ARSJ: variants seen among roughly 807,000 people sequenced by gnomAD.
ARSJ encodes the protein arylsulfatase family member J, also known as arylsulfatase J.
ARSJ carries 26 observed loss-of-function variants against 35.9 expected under a neutral mutation model. The ratio of observed to expected loss-of-function variants is 0.72; its 90% CI spans 0.53 to 1.00. The LOEUF is 1.00. Among genes scored for constraint, ARSJ ranks in the 50% least tolerant of loss-of-function variants. ARSJ has a pLI of 0.00. For missense variants in ARSJ, 667 were observed against 723.6 expected (o/e 0.92, Z 0.90); for synonymous variants, 294 against 267.6 (o/e 1.10, Z -0.96).
intron 1 of ARSJ, among the ~76,000 whole-genome samples, chr4:113,941,460 C>T (rs1725156320): frequency 6.6e-6 from 1 of 151,928 alleles, no homozygotes; most frequent in Non-Finnish European, 1.5e-5. Context: ...CATATAGGTC[C>T]TCAAACAACT....
In ARSJ at chr4:113,903,032, AT is replaced by A. The variant is rs1562328348; in HGVS notation, c.1041del (p.Tyr348IlefsTer9). 1 of 1,613,956 alleles carries A rather than the reference AT, an allele frequency of 6.2e-7. No individual in the cohort carries two copies. Among genetic ancestry groups the A allele is most frequent in the Non-Finnish European group, 8.5e-7 (1 of 1,179,954 alleles). ...SNWPLRGSKG[T>X]YWEGGIRAVG... ...ACAGCCCGGATCCCTCCTTCCCAAT[AT>A]GTTCCTTTGCTACCTCTGAGAGGCC... On this transcript the variant is annotated frameshift_variant, in exon 2 of 2. Coordinates refer to ENST00000315366, the MANE Select transcript of ARSJ (RefSeq NM_024590.4). LOFTEE classifies it high-confidence loss of function.
rs70961865 is a variant in ARSJ at position 113,979,104 on chromosome 4, G to GAA, written c.-272_-271dup. On this transcript the variant is annotated 5_prime_UTR_variant, in exon 1 of 2. Transcript: ENST00000315366. ...CCTCCCTAGAGCAGCTTCCACCAAGGAAAAAAAAAAGAAAAAAGTTAATAT... is the reference window on the plus strand; with the variant it reads ...CCTCCCTAGAGCAGCTTCCACCAAGGAAAAAAAAAAAAGAAAAAAGTTAATAT... 2,036 of 283,616 alleles carry GAA rather than the reference G, an allele frequency of 7.2e-3. No individual in the cohort carries two copies. The highest frequency in any genetic ancestry group is 0.01 in the Non-Finnish European group (1,546 of 150,392). The allele number at this position is 283,616 out of a possible 1,614,324, so 17.6% of individuals were successfully genotyped here. A position where few individuals can be genotyped will look rare whatever the true frequency, so the allele number is the denominator to read the frequency against.
At chr4:113,919,809 A>G (rs1723550515) in intron 1 of ARSJ, among the ~76,000 whole-genome samples, 1 of 152,222 alleles carries the variant, frequency 6.6e-6, no homozygotes, top group South Asian at 2.1e-4. Context: ...ATGACTCAGC[A>G]TGACAAGGAG....
At chr4:113,933,258 T>C (rs1724567178) in intron 1 of ARSJ, among the ~76,000 whole-genome samples, 1 of 151,864 alleles carries the variant, frequency 6.6e-6, no homozygotes, top group South Asian at 2.1e-4. Flanking sequence ...CACTGGTGAA[T>C]TTTATCAAAC....
intron 1 of ARSJ, among the ~76,000 whole-genome samples, chr4:113,951,296 T>C (rs1725850197): frequency 6.6e-6 from 1 of 152,138 alleles, no homozygotes; most frequent in Non-Finnish European, 1.5e-5. Context: ...TCTTCAAATA[T>C]GTGAAGACAG....
intron 1 of ARSJ, 85 bp from the exon 2 acceptor site, chr4:113,903,760 T>G (rs1327619880): frequency 6.8e-7 from 1 of 1,461,574 alleles, no homozygotes; most frequent in African/African-American, 1.4e-5. Flanking sequence ...TTAAAAAATG[T>G]TTCTATGGGC....
chr4:113,944,766 A>C (rs1354285142), intron 1 of ARSJ, among the ~76,000 whole-genome samples: 1 of 152,096 alleles, frequency 6.6e-6, no homozygotes, highest in Non-Finnish European at 1.5e-5. Context: ...AATTTTATTC[A>C]GTAGAGGTAC....
intron 1 of ARSJ, among the ~76,000 whole-genome samples, chr4:113,923,481 T>C (rs1176791309): frequency 6.6e-6 from 1 of 152,156 alleles, no homozygotes; most frequent in African/African-American, 2.4e-5. Context: ...AAAAAACTTT[T>C]ATTTCACACT....
At position 113,907,480 on chromosome 4, in the gene ARSJ, G is replaced by A. The variant is rs1181188946; in HGVS notation, c.399-3805C>T. 2.0e-5 allele frequency among the ~76,000 whole-genome samples: 3 copies of A among 151,856 alleles called. No homozygotes were observed. The East Asian group carries it at 5.8e-4, about 29-fold the overall frequency. Reference sequence around the variant, plus strand: ...ACTGTATGTTAGCACTTTAGTTGGGGGTAAGAATGATAATCTTACACTTTA... The same window carrying A: ...ACTGTATGTTAGCACTTTAGTTGGGAGTAAGAATGATAATCTTACACTTTA... On this transcript the variant is annotated intron_variant, in intron 1 of 1. Transcript: ENST00000315366.
rs377682090 is a variant in ARSJ, at chr4:113,921,712, G to A, written c.399-18037C>T. ...ATAGCCTAGCTTCTCTTCTTAGTCAGAATGCTACTGCACTTTGAGGCCAGC... is the reference window on the plus strand; with the variant it reads ...ATAGCCTAGCTTCTCTTCTTAGTCAAAATGCTACTGCACTTTGAGGCCAGC... On this transcript the variant is annotated intron_variant, in intron 1 of 1. Transcript: ENST00000315366. 1.4e-4 allele frequency among the ~76,000 whole-genome samples: 21 copies of A among 152,278 alleles called. 1 individual carries two copies. The highest frequency in any genetic ancestry group is 3.8e-4 in the African/African-American group (16 of 41,572).
chr4:113,949,509 C>T (rs960217871), intron 1 of ARSJ, among the ~76,000 whole-genome samples: 13 of 152,116 alleles, frequency 8.5e-5, no homozygotes, highest in African/African-American at 2.6e-4. Flanking sequence ...AGGTGGTGGA[C>T]GCTGGACCTT....
chr4:113,932,282 C>G (rs1360784019), intron 1 of ARSJ, among the ~76,000 whole-genome samples: 1 of 151,928 alleles, frequency 6.6e-6, no homozygotes, highest in Admixed American at 6.6e-5. Flanking sequence ...AACTTCAACA[C>G]CCCACTCTCA....
intron 1 of ARSJ, among the ~76,000 whole-genome samples, chr4:113,970,024 T>G (rs1321237387): frequency 6.6e-6 from 1 of 152,226 alleles, no homozygotes; most frequent in African/African-American, 2.4e-5. Flanking sequence ...AAATCATTTC[T>G]GGCTAAGGAA....
At chr4:113,946,166 C>T (rs1341468589) in intron 1 of ARSJ, 1 of 152,154 alleles carries the variant, frequency 6.6e-6, no homozygotes, top group East Asian at 1.9e-4. Flanking sequence ...ATCCCTTCAT[C>T]CTTTTCTAGT....
intron 1 of ARSJ, among the ~76,000 whole-genome samples, chr4:113,922,595 A>G (rs370541832): frequency 6.6e-6 from 1 of 152,160 alleles, no homozygotes; most frequent in African/African-American, 2.4e-5. Context: ...AGCTGTCTTC[A>G]TGCTTTTACT....
At chr4:113,978,370 G>T in intron 1 of ARSJ, 67 bp downstream of exon 1, 1 of 1,422,194 alleles carries the variant, frequency 7.0e-7, no homozygotes, top group Non-Finnish European at 9.5e-7. Flanking sequence ...CTTAAATTTG[G>T]AGCTGGATCT....
chr4:113,947,862 G>A (rs972711488), intron 1 of ARSJ, among the ~76,000 whole-genome samples: 3 of 151,674 alleles, frequency 2.0e-5, no homozygotes, highest in South Asian at 2.1e-4. Flanking sequence ...CTTTAATTAC[G>A]GCATTTTCAA....
At chr4:113,929,156 CCA>C (rs892395942) in intron 1 of ARSJ, among the ~76,000 whole-genome samples, 1 of 152,064 alleles carries the variant, frequency 6.6e-6, no homozygotes, top group African/African-American at 2.4e-5. Context: ...TGCCTGTTCT[CCA>C]GATTGCTGTT....
intron 1 of ARSJ, among the ~76,000 whole-genome samples, chr4:113,939,339 T>A (rs1724991028): frequency 6.7e-6 from 1 of 149,296 alleles, no homozygotes; most frequent in Non-Finnish European, 1.5e-5. Flanking sequence ...GTTCCAAGTC[T>A]TTGCTATTGT....
Sources: gnomAD v4.1 joint callset for allele counts (sites outside exome capture counted in the v4.1 genomes callset) on GRCh38, gnomAD v4.1.1 for gene constraint, MANE v1.5 for transcripts, NCBI Gene and HGNC (gene_info 2026-07-23, HGNC 2026-07-21) for gene names.